RNF185: variants seen among roughly 807,000 people sequenced by gnomAD.
RNF185 encodes the protein ring finger protein 185, also known as E3 ubiquitin-protein ligase RNF185.
A neutral mutation model predicts 24.9 loss-of-function variants in RNF185; 13 were observed. That is an observed-to-expected ratio of 0.52 (90% CI 0.34 to 0.83). The LOEUF (loss-of-function observed/expected upper bound fraction) is 0.83, where lower values mean the gene tolerates loss of function less well. Ranked by LOEUF, RNF185 falls within the 40% of genes least tolerant of loss-of-function variation. The pLI, the probability that RNF185 is intolerant of heterozygous loss-of-function variation, is 0.01. For missense variants in RNF185, 184 were observed against 244.7 expected, an observed-to-expected ratio of 0.75 and a Z score of 1.65; for synonymous variants, 79 against 90.3, an observed-to-expected ratio of 0.88 and a Z score of 0.71.
chr22:31,203,763 C>T (rs575336201), intron 6 of RNF185, among the ~76,000 whole-genome samples: 3 of 151,964 alleles, frequency 2.0e-5, no homozygotes, highest in Non-Finnish European at 4.4e-5. Context: ...TGGCTGGGCG[C>T]GATGGCTCAT....
chr22:31,202,207 G>A (rs1020466399), intron 6 of RNF185, among the ~76,000 whole-genome samples: 2 of 152,002 alleles, frequency 1.3e-5, no homozygotes, highest in Admixed American at 1.3e-4. Context: ...AGTGCCATCC[G>A]CATTCGGTAT....
At chr22:31,184,768 A>C (rs977147453) in intron 1 of RNF185, among the ~76,000 whole-genome samples, 13 of 152,210 alleles carry the variant, frequency 8.5e-5, no homozygotes, top group African/African-American at 3.1e-4. Context: ...TATGAAAACC[A>C]GTCAGGTGTG....
rs2048109142 is a variant in RNF185, at chr22:31,187,247, C to T, written c.153C>T (p.Ile51=). 1 of 1,614,088 alleles carries T rather than the reference C, an allele frequency of 6.2e-7. No individual in the cohort carries two copies. Among genetic ancestry groups the T allele is most frequent in the Non-Finnish European group, 8.5e-7 (1 of 1,179,936 alleles). ...ICLDTAKDAV[I]SLCGHLFCWP... ...TGGACACAGCCAAGGATGCCGTCAT[C>T]AGCCTGTGTGGCCACCTCTTCTGGT... The change falls in exon 2 of 7, where the codon ATC becomes ATT. Residue 51 remains isoleucine, a synonymous_variant. Transcript: ENST00000326132.
At chr22:31,193,054 A>G (rs2147954396) in intron 3 of RNF185, among the ~76,000 whole-genome samples, 1 of 152,320 alleles carries the variant, frequency 6.6e-6, no homozygotes, top group South Asian at 2.1e-4. Context: ...TTATGAAAAT[A>G]TTAGGAAGGG....
At chr22:31,160,973 C>A (rs941236661) in intron 1 of RNF185, among the ~76,000 whole-genome samples, 3 of 152,292 alleles carry the variant, frequency 2.0e-5, no homozygotes, top group Middle Eastern at 3.4e-3. Flanking sequence ...CACTAGATAT[C>A]CATTCTTCGC....
intron 1 of RNF185, among the ~76,000 whole-genome samples, chr22:31,176,145 T>A (rs2047979989): frequency 6.6e-6 from 1 of 152,226 alleles, no homozygotes; most frequent in East Asian, 1.9e-4. Flanking sequence ...CTTAAGAAAT[T>A]TGTCCATAAG....
At chr22:31,198,073 C>T (rs1475042290) in intron 5 of RNF185, among the ~76,000 whole-genome samples, 1 of 152,120 alleles carries the variant, frequency 6.6e-6, no homozygotes, top group Non-Finnish European at 1.5e-5. Context: ...TTGCCAAGAG[C>T]CCAGAACAAG....
chr22:31,169,593 C>G (rs1395603344), intron 1 of RNF185, among the ~76,000 whole-genome samples: 1 of 152,146 alleles, frequency 6.6e-6, no homozygotes, highest in Non-Finnish European at 1.5e-5. Flanking sequence ...GTCGCCGAGG[C>G]TGGAGTGCAG....
At chr22:31,185,156 A>G (rs919107166) in intron 1 of RNF185, among the ~76,000 whole-genome samples, 3 of 152,084 alleles carry the variant, frequency 2.0e-5, no homozygotes, top group Non-Finnish European at 4.4e-5. Flanking sequence ...CTTGGAGCCG[A>G]GGCCAGCGCA....
Position 31,192,712 on chromosome 22 carries a change from A to T in RNF185, c.195+10A>T. On this transcript the variant is annotated intron_variant, in intron 3 of 6. Coordinates refer to ENST00000326132, the MANE Select transcript of RNF185 (RefSeq NM_152267.4). ...GCCGTGTTTACATCAGGTAAGATGC[A>T]TTTCATTTTACTTTGTCTTTCATCA... 6.2e-7 allele frequency: 1 copy of T among 1,613,394 alleles called. No individual in the cohort carries two copies. Among genetic ancestry groups the T allele is most frequent in the South Asian group, 1.1e-5 (1 of 91,074 alleles).
chr22:31,204,693 G>A lies in RNF185; in HGVS notation c.*107G>A. 1 of 677,082 alleles carries A rather than the reference G, an allele frequency of 1.5e-6. No homozygotes were observed. The highest frequency in any genetic ancestry group is 2.7e-6 in the Non-Finnish European group (1 of 374,148). 41.9% of individuals were successfully genotyped at this position (677,082 alleles called of 1,614,324 possible). A position where few individuals can be genotyped will look rare whatever the true frequency, so the allele number is the denominator to read the frequency against. ...TAATCTTGACTCCTGGAATCAGTGG[G>A]ATCAGTAACACATCAAGGAGTCTTG... On this transcript the variant is annotated 3_prime_UTR_variant, in exon 7 of 7. Coordinates refer to ENST00000326132, the MANE Select transcript of RNF185 (RefSeq NM_152267.4).
chr22:31,192,789 G>T (rs1183297232), intron 3 of RNF185, 87 bp downstream of exon 3: 3 of 1,259,554 alleles, frequency 2.4e-6, no homozygotes, highest in East Asian at 2.3e-5. Flanking sequence ...TTCAGAAGCT[G>T]CAATCTGCCC....
intron 1 of RNF185, among the ~76,000 whole-genome samples, chr22:31,163,326 C>T (rs1411550381): frequency 6.6e-6 from 1 of 151,114 alleles, no homozygotes; most frequent in African/African-American, 2.4e-5. Context: ...TGACCTGCAT[C>T]GTGTACATTT....
chr22:31,187,065 C>G lies in RNF185; in HGVS notation c.-30C>G, dbSNP rs1488112176. 1 of 1,586,960 alleles carries G rather than the reference C, an allele frequency of 6.3e-7. No individual in the cohort carries two copies. Among genetic ancestry groups the G allele is most frequent in the Non-Finnish European group, 8.6e-7 (1 of 1,169,358 alleles). On this transcript the variant is annotated 5_prime_UTR_variant, in exon 2 of 7. Coordinates refer to ENST00000326132, the MANE Select transcript of RNF185 (RefSeq NM_152267.4). ...CTTTTAGGATTTCCCTGGGGAAAGTCTTCACTCAGAGCTTCGCTGACAGCC... is the reference window on the plus strand; with the variant it reads ...CTTTTAGGATTTCCCTGGGGAAAGTGTTCACTCAGAGCTTCGCTGACAGCC...
intron 1 of RNF185, among the ~76,000 whole-genome samples, chr22:31,180,325 G>A (rs1025576355): frequency 1.3e-5 from 2 of 152,032 alleles, no homozygotes; most frequent in Non-Finnish European, 2.9e-5. Flanking sequence ...TTAGCTGGGC[G>A]TGGTGGTGGG....
intron 1 of RNF185, among the ~76,000 whole-genome samples, chr22:31,176,978 G>A (rs936246271): frequency 1.3e-5 from 2 of 152,136 alleles, no homozygotes; most frequent in African/African-American, 4.8e-5. Context: ...TGGAAGGTTA[G>A]GCAGATCTGG....
chr22:31,188,916 C>T lies in RNF185; in HGVS notation c.176+1646C>T, dbSNP rs1602834715. On this transcript the variant is annotated intron_variant, in intron 2 of 6. Transcript: ENST00000326132. ...TGGGCGGATCACAAGGTCAGGAGATCGAGACCATCCTGGCTAACACGGTGA... is the reference window on the plus strand; with the variant it reads ...TGGGCGGATCACAAGGTCAGGAGATTGAGACCATCCTGGCTAACACGGTGA... Among the ~76,000 whole-genome samples the T allele has an allele frequency of 2.7e-5, 4 of 146,096 alleles. No homozygotes were observed. The South Asian group carries it at 6.4e-4, about 23-fold the overall frequency.
chr22:31,166,918 G>A (rs1315263759), intron 1 of RNF185, among the ~76,000 whole-genome samples: 2 of 152,112 alleles, frequency 1.3e-5, no homozygotes, highest in African/African-American at 4.8e-5. Context: ...CCAAAGTGTT[G>A]GGATTACAGG....
intron 1 of RNF185, among the ~76,000 whole-genome samples, chr22:31,160,748 C>T (rs190428538): frequency 1.5e-4 from 23 of 152,268 alleles, no homozygotes; most frequent in South Asian, 1.5e-3. Context: ...AATCTCTTCC[C>T]TGTGCTGGGC....
Sources: allele counts gnomAD v4.1 joint callset (sites outside exome capture counted in the v4.1 genomes callset), GRCh38; gene constraint gnomAD v4.1.1; transcripts MANE v1.5; gene names NCBI Gene and HGNC (gene_info 2026-07-23, HGNC 2026-07-21).